TPRG1: variants seen among roughly 807,000 people sequenced by gnomAD.
TPRG1 encodes the protein tumor protein p63 regulated 1, also known as tumor protein p63-regulated gene 1 protein.
In TPRG1, 29 loss-of-function variants were observed where a neutral mutation model predicts 29.3. The observed-to-expected ratio is 0.99, with a 90% CI of 0.74 to 1.35. TPRG1 has a LOEUF of 1.35. Among genes scored for constraint, TPRG1 ranks in the 40% most tolerant of loss-of-function variants. The pLI is 0.00. For synonymous variants in TPRG1, 130 were observed against 116.8 expected (o/e 1.11, Z -0.73); for missense variants, 327 against 335.0 (o/e 0.98, Z 0.19).
intron 4 of TPRG1, among the ~76,000 whole-genome samples, chr3:189,278,739 G>A (rs529925364): frequency 1.0e-3 from 157 of 152,266 alleles, no homozygotes; most frequent in Middle Eastern, 3.4e-3. Flanking sequence ...CACATTCAAA[G>A]CACTGTAATC....
chr3:189,071,635 C>T (rs1400718872), intron 4 of TPRG1, among the ~76,000 whole-genome samples: 1 of 152,156 alleles, frequency 6.6e-6, no homozygotes, highest in Non-Finnish European at 1.5e-5. Flanking sequence ...GTAATAGCTC[C>T]AGCAAAAACT....
intron 4 of TPRG1, among the ~76,000 whole-genome samples, chr3:189,026,723 T>C (rs1278203597): frequency 6.6e-6 from 1 of 152,128 alleles, no homozygotes; most frequent in East Asian, 1.9e-4. Context: ...ATGCATCACT[T>C]GATTTGGGAG....
chr3:189,089,485 T>G (rs1718195481), intron 4 of TPRG1, among the ~76,000 whole-genome samples: 1 of 152,220 alleles, frequency 6.6e-6, no homozygotes, highest in African/African-American at 2.4e-5. Flanking sequence ...CTGCTTATCA[T>G]GAAATATCTG....
At chr3:189,268,729 A>G (rs1266627480) in intron 4 of TPRG1, among the ~76,000 whole-genome samples, 2 of 152,218 alleles carry the variant, frequency 1.3e-5, no homozygotes. Flanking sequence ...GCGTCGTAAT[A>G]GCAAGATCCT....
intron 1 of TPRG1, among the ~76,000 whole-genome samples, chr3:189,201,339 C>A (rs1733453624): frequency 6.6e-6 from 1 of 152,116 alleles, no homozygotes; most frequent in Non-Finnish European, 1.5e-5. Context: ...ATTATAGATA[C>A]CTGCAATAGG....
At chr3:189,094,047 CA>C (rs1197553578) in intron 4 of TPRG1, among the ~76,000 whole-genome samples, 1 of 152,126 alleles carries the variant, frequency 6.6e-6, no homozygotes, top group Non-Finnish European at 1.5e-5. Flanking sequence ...CTGAAAGATA[CA>C]GCCTCCAAAC....
At chr3:189,161,844 G>C (rs1490773602) in intron 5 of TPRG1, among the ~76,000 whole-genome samples, 1 of 152,122 alleles carries the variant, frequency 6.6e-6, no homozygotes, top group Non-Finnish European at 1.5e-5. Flanking sequence ...GGAGGGTCAA[G>C]GTGAAGGCAG....
upstream of TPRG1, among the ~76,000 whole-genome samples, chr3:189,098,878 A>G (rs2152187160): frequency 6.6e-6 from 1 of 152,278 alleles, no homozygotes; most frequent in East Asian, 1.9e-4. Context: ...ACAATCCCTG[A>G]GAGTCCTGAA....
chr3:189,080,943 A>G (rs965339001), intron 4 of TPRG1, among the ~76,000 whole-genome samples: 5 of 152,118 alleles, frequency 3.3e-5, no homozygotes, highest in African/African-American at 1.2e-4. Context: ...GAAAGCCACA[A>G]AGGAAGCTAC....
At chr3:189,105,256 G>C (rs1334636413) in intron 1 of TPRG1, among the ~76,000 whole-genome samples, 2 of 152,090 alleles carry the variant, frequency 1.3e-5, no homozygotes, top group Non-Finnish European at 2.9e-5. Context: ...TCAATGGTAT[G>C]TCTCAGTGCT....
chr3:189,229,214 A>G (rs912442817), intron 3 of TPRG1, among the ~76,000 whole-genome samples: 2 of 152,238 alleles, frequency 1.3e-5, no homozygotes, highest in African/African-American at 2.4e-5. Flanking sequence ...AATACAAATC[A>G]AACGCAATTC....
At chr3:189,204,447 C>T (rs1733996352) in intron 1 of TPRG1, among the ~76,000 whole-genome samples, 1 of 152,144 alleles carries the variant, frequency 6.6e-6, no homozygotes, top group Non-Finnish European at 1.5e-5. Flanking sequence ...TATTGTTCTT[C>T]TAAGATGTTC....
intron 4 of TPRG1, among the ~76,000 whole-genome samples, chr3:189,069,861 C>T (rs997386972): frequency 2.0e-5 from 3 of 147,886 alleles, no homozygotes; most frequent in Non-Finnish European, 4.4e-5. Flanking sequence ...AATACCAGCA[C>T]GAGGTCAAGA....
At chr3:189,128,862 C>T (rs577767855) in intron 2 of TPRG1, among the ~76,000 whole-genome samples, 3 of 152,234 alleles carry the variant, frequency 2.0e-5, no homozygotes, top group Non-Finnish European at 2.9e-5. Flanking sequence ...TTCCACCTCC[C>T]GGGTTCAAGC....
intron 4 of TPRG1, among the ~76,000 whole-genome samples, chr3:189,041,739 G>T (rs578129812): frequency 6.6e-6 from 1 of 152,284 alleles, no homozygotes; most frequent in East Asian, 1.9e-4. Flanking sequence ...CTTGCCCTTA[G>T]ATCTGCTTTC....
At chr3:189,168,872 G>A (rs138096454), upstream of TPRG1, among the ~76,000 whole-genome samples, 839 of 152,198 alleles carry the variant, frequency 5.5e-3, 12 homozygotes, top group African/African-American at 0.019. Context: ...CCACTATGAG[G>A]GAGACCTGGA....
intron 4 of TPRG1, among the ~76,000 whole-genome samples, chr3:189,255,879 TC>T (rs1427055958): frequency 6.6e-6 from 1 of 152,196 alleles, no homozygotes; most frequent in Non-Finnish European, 1.5e-5. Context: ...CTCCCTTTTA[TC>T]ATTTTTTGTT....
At chr3:189,191,118 A>G (rs1731625979) in intron 1 of TPRG1, 2 of 240,284 alleles carry the variant, frequency 8.3e-6, no homozygotes, top group Non-Finnish European at 1.3e-5. Flanking sequence ...CCATATTTAT[A>G]CACATATGGT....
intron 4 of TPRG1, among the ~76,000 whole-genome samples, chr3:189,067,880 C>A (rs1369007669): frequency 6.6e-6 from 1 of 152,104 alleles, no homozygotes; most frequent in Non-Finnish European, 1.5e-5. Flanking sequence ...GACAAAAAGA[C>A]AACCCACGGA....
Sources: gnomAD v4.1 joint callset for allele counts (sites outside exome capture counted in the v4.1 genomes callset) on GRCh38, gnomAD v4.1.1 for gene constraint, MANE v1.5 for transcripts, NCBI Gene and HGNC (gene_info 2026-07-23, HGNC 2026-07-21) for gene names.